SSBP3: variants seen among roughly 807,000 people sequenced by gnomAD.
SSBP3 encodes the protein single-stranded DNA-binding protein 3.
SSBP3 carries 5 observed loss-of-function variants against 69.6 expected under a neutral mutation model. The observed-to-expected ratio is 0.07, with a 90% CI of 0.04 to 0.15. The LOEUF (loss-of-function observed/expected upper bound fraction) is 0.15, where lower values mean the gene tolerates loss of function less well. Among genes scored for constraint, SSBP3 ranks in the 10% least tolerant of loss-of-function variants. The probability of loss-of-function intolerance (pLI) is 1.00; values close to 1 mark genes in which losing one functional copy is unlikely to be tolerated. For synonymous variants in SSBP3, 196 were observed against 193.4 expected (o/e 1.01, Z -0.11); for missense variants, 312 against 534.0 (o/e 0.58, Z 4.10).
At chr1:54,387,686 T>C (rs973501397) in intron 4 of SSBP3, among the ~76,000 whole-genome samples, 1 of 152,236 alleles carries the variant, frequency 6.6e-6, no homozygotes, top group South Asian at 2.1e-4. Flanking sequence ...GATTTTAATT[T>C]AGTCAGTTAC....
chr1:54,401,755 A>C, intron 4 of SSBP3, 106 bp downstream of exon 4: 1 of 884,340 alleles, frequency 1.1e-6, no homozygotes, highest in Non-Finnish European at 1.8e-6. Context: ...AAACGCAAGA[A>C]GCAAATAAAG....
intron 9 of SSBP3, among the ~76,000 whole-genome samples, chr1:54,246,213 C>A (rs1168196620): frequency 6.6e-6 from 1 of 152,200 alleles, no homozygotes; most frequent in African/African-American, 2.4e-5. Flanking sequence ...ACGTCAGCAG[C>A]AGAACAAACA....
intron 4 of SSBP3, among the ~76,000 whole-genome samples, chr1:54,330,865 A>G (rs9662622): frequency 0.29 from 44,037 of 152,146 alleles, 9,410 homozygotes; most frequent in African/African-American, 0.58. Context: ...TCCTGAGCAC[A>G]CCACCGTGGG....
At position 54,404,782 on chromosome 1, in the gene SSBP3, C is replaced by T. The variant is rs916136745; in HGVS notation, c.129+76G>A. ...CAAAATGGTGGCCACAGTGGCTGCT[C>T]CTGAAAACAAAGGCTCTAAGAATAG... is the stretch of plus-strand genomic sequence containing the variant. On this transcript the variant is annotated intron_variant, in intron 2 of 17. Coordinates refer to ENST00000610401, the Ensembl canonical transcript of SSBP3. 2.0e-5 allele frequency: 24 copies of T among 1,197,552 alleles called. No homozygotes were observed. The East Asian group carries it at 4.9e-4, about 25-fold the overall frequency. 74.2% of individuals were successfully genotyped at this position (1,197,552 alleles called of 1,614,324 possible).
At position 54,404,944 on chromosome 1, in the gene SSBP3, A is replaced by G; in HGVS notation, c.57-14T>C. On this transcript the variant is annotated splice_polypyrimidine_tract_variant and intron_variant, in intron 1 of 17. Coordinates refer to ENST00000610401, the Ensembl canonical transcript of SSBP3. ...TATAAAGCTAACCTGGAAAGTGGAC[A>G]GGGGGCAAAGAGAGAGAGGGAAAGG... 1 of 1,610,526 alleles carries G rather than the reference A, an allele frequency of 6.2e-7. No homozygotes were observed. Among genetic ancestry groups the G allele is most frequent in the Non-Finnish European group, 8.5e-7 (1 of 1,178,632 alleles).
At chr1:54,236,135 A>C (rs1390730090) in intron 14 of SSBP3, among the ~76,000 whole-genome samples, 1 of 151,920 alleles carries the variant, frequency 6.6e-6, no homozygotes, top group Non-Finnish European at 1.5e-5. Flanking sequence ...TTTTTCTTTG[A>C]AACGGAGTCT....
intron 11 of SSBP3, 141 bp downstream of exon 11, chr1:54,242,023 C>A: frequency 4.0e-6 from 4 of 999,802 alleles, no homozygotes; most frequent in South Asian, 1.6e-5. Flanking sequence ...TCCACCTCCA[C>A]ACGGCCTTCT....
chr1:54,339,618 A>G (rs561985860), intron 4 of SSBP3, among the ~76,000 whole-genome samples: 1 of 152,006 alleles, frequency 6.6e-6, no homozygotes, highest in Non-Finnish European at 1.5e-5. Flanking sequence ...TGCCTTAAGA[A>G]AGGGGAAAGA....
intron 4 of SSBP3, among the ~76,000 whole-genome samples, chr1:54,335,526 G>A (rs944856393): frequency 7.9e-5 from 12 of 152,286 alleles, no homozygotes; most frequent in African/African-American, 2.4e-4. Context: ...GGAGACAGAG[G>A]CTGATTTAAG....
At chr1:54,269,076 C>T (rs897957625) in intron 5 of SSBP3, among the ~76,000 whole-genome samples, 2 of 152,170 alleles carry the variant, frequency 1.3e-5, no homozygotes, top group Admixed American at 6.5e-5. Flanking sequence ...GAATCTGCCC[C>T]GCCTCGTGGA....
Position 54,258,232 on chromosome 1 carries a change from A to G in SSBP3, c.367-83T>C. 1 of 629,714 alleles carries G rather than the reference A, an allele frequency of 1.6e-6. No homozygotes were observed. The allele number at this position is 629,714 out of a possible 1,614,324, so 39.0% of individuals were successfully genotyped here. A position where few individuals can be genotyped will look rare whatever the true frequency, so the allele number is the denominator to read the frequency against. On this transcript the variant is annotated intron_variant, in intron 5 of 17. Coordinates refer to ENST00000610401, the Ensembl canonical transcript of SSBP3. The surrounding 1 kb of genome is among the most constrained non-coding windows in gnomAD (Gnocchi z 4.5). ...AGCAGCTTAAAAGAACAAAAATTAAACCAAAACGAAGGGTGGGCGGCGGGC... is the reference window on the plus strand; with the variant it reads ...AGCAGCTTAAAAGAACAAAAATTAAGCCAAAACGAAGGGTGGGCGGCGGGC...
intron 4 of SSBP3, among the ~76,000 whole-genome samples, chr1:54,292,244 C>G (rs1385849248): frequency 1.3e-5 from 2 of 152,228 alleles, no homozygotes; most frequent in Admixed American, 6.5e-5. Flanking sequence ...CCAGGTCTAC[C>G]TGACTTCAAC....
chr1:54,384,905 C>G (rs1163563988), intron 4 of SSBP3, among the ~76,000 whole-genome samples: 1 of 152,168 alleles, frequency 6.6e-6, no homozygotes, highest in Non-Finnish European at 1.5e-5. Context: ...AGAGCAGTAG[C>G]TTCTAATTCC....
At chr1:54,254,508 G>A (rs1259560258) in intron 7 of SSBP3, among the ~76,000 whole-genome samples, 5 of 152,206 alleles carry the variant, frequency 3.3e-5, no homozygotes, top group African/African-American at 9.7e-5. Flanking sequence ...GGCAGGCCTC[G>A]TAAGACCCTG....
intron 5 of SSBP3, among the ~76,000 whole-genome samples, chr1:54,274,492 G>A (rs1645250566): frequency 6.6e-6 from 1 of 152,168 alleles, no homozygotes; most frequent in Non-Finnish European, 1.5e-5. Flanking sequence ...TAAGGCGTCT[G>A]CTAAGACAGC....
chr1:54,239,409 T>A (rs962584603), intron 13 of SSBP3, among the ~76,000 whole-genome samples: 3 of 152,184 alleles, frequency 2.0e-5, no homozygotes, highest in Non-Finnish European at 4.4e-5. Flanking sequence ...ACCCCAGCAG[T>A]GTGGACACGG....
exon 1 of SSBP3, chr1:54,406,009 G>A: frequency 6.8e-7 from 1 of 1,478,122 alleles, no homozygotes; most frequent in Non-Finnish European, 9.0e-7. Context: ...TGGCAAACAT[G>A]GTTTGCAGGG....
At chr1:54,271,918 T>C (rs1352629972) in intron 5 of SSBP3, among the ~76,000 whole-genome samples, 2 of 152,120 alleles carry the variant, frequency 1.3e-5, no homozygotes, top group African/African-American at 2.4e-5. Context: ...TCCAGTCGCA[T>C]GCCACCATGC....
chr1:54,410,823 A>G (rs1449479319), upstream of SSBP3, among the ~76,000 whole-genome samples: 1 of 152,146 alleles, frequency 6.6e-6, no homozygotes, highest in Admixed American at 6.5e-5. Flanking sequence ...ATCGCCTACT[A>G]GGCTATTAGT....
Sources: gnomAD v4.1 joint callset for allele counts (sites outside exome capture counted in the v4.1 genomes callset) on GRCh38, gnomAD v4.1.1 for gene constraint, Gnocchi (gnomAD v3.1) non-coding constraint, MANE v1.5 for transcripts, NCBI Gene and HGNC (gene_info 2026-07-23, HGNC 2026-07-21) for gene names.